The following RPL4 variants were observed in gnomAD, a reference collection of about 807,000 sequenced individuals.
RPL4 encodes the protein ribosomal protein L4, also known as large ribosomal subunit protein uL4.
RPL4 carries 3 observed loss-of-function variants against 47.7 expected under a neutral mutation model. The observed-to-expected ratio is 0.06, with a 90% CI of 0.03 to 0.16. The LOEUF (loss-of-function observed/expected upper bound fraction) is 0.16. Ranked by LOEUF, RPL4 falls within the 10% of genes least tolerant of loss-of-function variation. The pLI is 1.00. For synonymous variants in RPL4, 208 were observed against 182.1 expected, an observed-to-expected ratio of 1.14 and a Z score of -1.15; for missense variants, 413 against 551.3, an observed-to-expected ratio of 0.75 and a Z score of 2.51.
At chr15:66,500,206 T>C (rs762539946) in intron 8 of RPL4, 30 bp from the exon 9 acceptor site, 3 of 1,613,778 alleles carry the variant, frequency 1.9e-6, no homozygotes, top group Non-Finnish European at 2.5e-6. Context: ...GTATCAACAT[T>C]TTACTTAACA....
At chr15:66,500,585 G>C (rs573224428) in intron 7 of RPL4, 21 of 579,216 alleles carry the variant, frequency 3.6e-5, no homozygotes, top group African/African-American at 3.4e-4. Flanking sequence ...CCTAAGGTCA[G>C]GAGTTCCAGA....
chr15:66,499,678 T>C (rs1035982176), intron 9 of RPL4, 26 bp from the exon 10 acceptor site: 22 of 1,612,178 alleles, frequency 1.4e-5, no homozygotes, highest in Non-Finnish European at 1.6e-5. Flanking sequence ...CAGAAAACAG[T>C]AAGAATCAAA....
intron 1 of RPL4, 32 bp from the exon 2 acceptor site, chr15:66,503,561 A>G: frequency 6.4e-7 from 1 of 1,563,074 alleles, no homozygotes; most frequent in Non-Finnish European, 8.7e-7. Context: ...ATTTTTATTG[A>G]CAAGTAATGT....
chr15:66,499,259 G>T lies in RPL4; in HGVS notation c.*148C>A. ...ATAAAATGTAACAGTCTAAATTATGGCCAACAAAATGTCACTTTAAAAAAA... is the reference window on the plus strand; with the variant it reads ...ATAAAATGTAACAGTCTAAATTATGTCCAACAAAATGTCACTTTAAAAAAA... On this transcript the variant is annotated 3_prime_UTR_variant, in exon 10 of 10. Transcript: ENST00000307961. 2.1e-6 allele frequency: 2 copies of T among 942,078 alleles called. No individual in the cohort carries two copies. Among genetic ancestry groups the T allele is most frequent in the Non-Finnish European group, 3.2e-6 (2 of 628,600 alleles). 58.4% of individuals were successfully genotyped at this position (942,078 alleles called of 1,614,324 possible).
At chr15:66,504,733 T>A in intron 1 of RPL4, 55 bp downstream of exon 1, 1 of 1,605,288 alleles carries the variant, frequency 6.2e-7, no homozygotes. Context: ...CCCCAAATCC[T>A]TCCTTACTGG....
chr15:66,500,552 G>C (rs1286503022), intron 7 of RPL4, 176 bp from the exon 8 acceptor site: 4 of 624,546 alleles, frequency 6.4e-6, no homozygotes, highest in Non-Finnish European at 1.1e-5. Flanking sequence ...CCAGCACTTG[G>C]GGAGGCCGAG....
chr15:66,504,834 G>A lies in RPL4; in HGVS notation c.-44C>T. On this transcript the variant is annotated 5_prime_UTR_variant, in exon 1 of 10. Transcript: ENST00000307961. ...CCACGCTCCTCTCAGCCCGGCTGCTGCCACAGGAAAAGGAAGTGCTTACCA... is the reference window on the plus strand; with the variant it reads ...CCACGCTCCTCTCAGCCCGGCTGCTACCACAGGAAAAGGAAGTGCTTACCA... 1 of 1,608,120 alleles carries A rather than the reference G, an allele frequency of 6.2e-7. No individual in the cohort carries two copies. The highest frequency in any genetic ancestry group is 8.5e-7 in the Non-Finnish European group (1 of 1,177,722).
At chr15:66,503,010 T>A in intron 3 of RPL4, 48 bp downstream of exon 3, 1 of 1,557,436 alleles carries the variant, frequency 6.4e-7, no homozygotes, top group Non-Finnish European at 8.8e-7. Flanking sequence ...CCCAGGCCGC[T>A]AAATTCCATC....
chr15:66,503,853 C>A (rs2140719405), intron 1 of RPL4, among the ~76,000 whole-genome samples: 1 of 152,312 alleles, frequency 6.6e-6, no homozygotes. Context: ...TCTACCCGGG[C>A]TCTACTCATC....
Position 66,498,481 on chromosome 15 carries a change from T to G in RPL4, c.*926A>C, listed in dbSNP as rs1893523702. ...CAAGAGGTTAATTCTAGGGTAATAT[T>G]TGCAGTTTAGCTTTATGGGTAAAAA... is the stretch of plus-strand genomic sequence containing the variant. On this transcript the variant is annotated 3_prime_UTR_variant, in exon 10 of 10. Transcript: ENST00000307961. 1 of 152,192 alleles carries G rather than the reference T, an allele frequency of 6.6e-6. No individual in the cohort carries two copies. The highest frequency in any genetic ancestry group is 1.5e-5 in the Non-Finnish European group (1 of 68,034). 9.4% of individuals were successfully genotyped at this position (152,192 alleles called of 1,614,324 possible).
rs1373832671 is a variant in RPL4 at position 66,500,930 on chromosome 15, G to C, written c.833+19C>G. The C allele has an allele frequency of 3.7e-6, 6 of 1,611,920 alleles. No individual in the cohort carries two copies. Among genetic ancestry groups the C allele is most frequent in the Non-Finnish European group, 5.1e-6 (6 of 1,179,060 alleles). On this transcript the variant is annotated intron_variant, in intron 7 of 9. Coordinates refer to ENST00000307961, the MANE Select transcript of RPL4 (RefSeq NM_000968.4). ...TCCACAATATAAACATCTGTGCTTA[G>C]TATATGAAAGATACTTACTTGTAGT...
chr15:66,499,808 G>A lies in RPL4; in HGVS notation c.1039-156C>T, dbSNP rs992135956. The A allele has an allele frequency of 7.6e-5, 80 of 1,050,568 alleles. No individual in the cohort carries two copies. The East Asian group carries it at 1.5e-3, about 19-fold the overall frequency. The allele number at this position is 1,050,568 out of a possible 1,614,324, so 65.1% of individuals were successfully genotyped here. A position where few individuals can be genotyped will look rare whatever the true frequency, so the allele number is the denominator to read the frequency against. On this transcript the variant is annotated intron_variant, in intron 9 of 9. Coordinates refer to ENST00000307961, the MANE Select transcript of RPL4 (RefSeq NM_000968.4). The stretch of plus-strand genomic sequence containing the variant: ...GGAGGCCGAGGCAGGTGAATCACCT[G>A]AGGTCAGGAGTTTGAGACCAGCCTA...
chr15:66,500,188 C>A lies in RPL4; in HGVS notation c.918-12G>T. The stretch of plus-strand genomic sequence containing the variant: ...GATGGATCTTCTTGCTATAAAAAAG[C>A]AGATACTGTATCAACATTTTACTTA... On this transcript the variant is annotated splice_polypyrimidine_tract_variant and intron_variant, in intron 8 of 9. Transcript: ENST00000307961. 1.9e-6 allele frequency: 3 copies of A among 1,613,806 alleles called. No individual in the cohort carries two copies. The highest frequency in any genetic ancestry group is 2.5e-6 in the Non-Finnish European group (3 of 1,179,936).
At chr15:66,504,693 C>G in intron 1 of RPL4, 95 bp downstream of exon 1, 2 of 1,548,830 alleles carry the variant, frequency 1.3e-6, no homozygotes, top group Non-Finnish European at 1.8e-6. Flanking sequence ...CCTCTCCTCG[C>G]TCTATCTCCT....
chr15:66,500,737 A>C (rs1820294098), intron 7 of RPL4: 1 of 603,478 alleles, frequency 1.7e-6, no homozygotes, highest in Non-Finnish European at 2.9e-6. Flanking sequence ...AGCCACGATC[A>C]CACCACTACA....
At chr15:66,502,118 G>C (rs759894320) in intron 4 of RPL4, 13 of 735,256 alleles carry the variant, frequency 1.8e-5, no homozygotes, top group Non-Finnish European at 3.1e-5. Context: ...CGATGGGTAC[G>C]CAACAGGCAA....
Position 66,504,237 on chromosome 15 carries a change from A to G in RPL4, c.3+551T>C, listed in dbSNP as rs540668180. Among the ~76,000 whole-genome samples the G allele has an allele frequency of 7.9e-5, 12 of 152,306 alleles. No individual in the cohort carries two copies. The South Asian group carries it at 2.5e-3, about 32-fold the overall frequency. On this transcript the variant is annotated intron_variant, in intron 1 of 9. Transcript: ENST00000307961. ...TTTTCATCTCTTACTACCATAGAATATTACTACGTATTTAGTCCAACGCAA... is the reference window on the plus strand; with the variant it reads ...TTTTCATCTCTTACTACCATAGAATGTTACTACGTATTTAGTCCAACGCAA...
intron 1 of RPL4, among the ~76,000 whole-genome samples, chr15:66,504,517 A>G (rs1404290034): frequency 6.6e-6 from 1 of 152,152 alleles, no homozygotes; most frequent in Non-Finnish European, 1.5e-5. Context: ...AAATAAGCAA[A>G]TATTCTAACA....
Position 66,501,446 on chromosome 15 carries a change from A to T in RPL4, c.605T>A (p.Ile202Asn). ...GKGKMRNRRR[I>N]QRRGPCIIYN... ...GATGATGCACGGGCCCCTGCGCTGG[A>T]TACGGCGACGGTTTCTCATTTTGCC... The change falls in exon 6 of 10, where the codon ATC (isoleucine) becomes AAC (asparagine). Residue 202 changes from isoleucine to asparagine, a missense_variant. Physicochemically the swap from Ile to Asn is moderately radical, Grantham distance 149. Around this residue, in one of 4 missense-constraint regions of RPL4, gnomAD observed 214 missense variants for 304.2 expected, o/e 0.70. Coordinates refer to ENST00000307961, the MANE Select transcript of RPL4 (RefSeq NM_000968.4). 2 of 1,614,142 alleles carry T rather than the reference A, an allele frequency of 1.2e-6. No homozygotes were observed. The highest frequency in any genetic ancestry group is 1.7e-6 in the Non-Finnish European group (2 of 1,180,036).
Sources: allele counts gnomAD v4.1 joint callset (sites outside exome capture counted in the v4.1 genomes callset), GRCh38; gene constraint gnomAD v4.1.1; regional missense constraint gnomAD v4.1.1; transcripts MANE v1.5; gene names NCBI Gene and HGNC (gene_info 2026-07-23, HGNC 2026-07-21).